The following NFKBIB variants were observed in gnomAD, a reference collection of about 807,000 sequenced individuals.
NFKBIB encodes NF-kappa-B inhibitor beta.
NFKBIB carries 16 observed loss-of-function variants against 32.1 expected under a neutral mutation model. The ratio of observed to expected loss-of-function variants is 0.50; its 90% CI spans 0.34 to 0.76. The LOEUF (loss-of-function observed/expected upper bound fraction) is 0.76. Ranked by LOEUF, NFKBIB falls within the 30% of genes least tolerant of loss-of-function variation. NFKBIB has a pLI of 0.01. For synonymous variants in NFKBIB, 222 were observed against 219.5 expected, an observed-to-expected ratio of 1.01 and a Z score of -0.10; for missense variants, 437 against 514.9, an observed-to-expected ratio of 0.85 and a Z score of 1.46.
chr19:38,905,206 C>A lies in NFKBIB; in HGVS notation c.290C>A (p.Ala97Asp), dbSNP rs1433010062. Residue 97 changes from alanine (A) to aspartate (D), a missense_variant, in exon 3 of 6, where the codon GCC becomes GAC. Ala to Asp is a moderately radical substitution (Grantham distance 126, BLOSUM62 -2). Transcript: ENST00000313582. This position sits in a 1 kb window ranked among gnomAD's most constrained non-coding sequence, Gnocchi z 5.5. The stretch of plus-strand genomic sequence containing the variant: ...GCCTGTCCTCTGCTTCTGCAGACAG[C>A]CCTGCACCTGGCAGCCATCCTGGGG... ...MDLQNDLGQTALHLAAILGET... is the reference protein window; with the variant it reads ...MDLQNDLGQTDLHLAAILGET... 1.3e-6 allele frequency: 2 copies of A among 1,595,562 alleles called. No homozygotes were observed. The highest frequency in any genetic ancestry group is 2.3e-5 in the South Asian group (2 of 88,342).
chr19:38,904,733 C>T (rs754389971), intron 1 of NFKBIB, among the ~76,000 whole-genome samples: 3 of 139,180 alleles, frequency 2.2e-5, no homozygotes, highest in African/African-American at 5.4e-5. Flanking sequence ...CTTCATATAC[C>T]GTATTTCGTC....
intron 5 of NFKBIB, 190 bp from the exon 6 acceptor site, chr19:38,908,541 A>AAAAAT: frequency 2.0e-6 from 2 of 996,946 alleles, no homozygotes. Flanking sequence ...TCCATCTTAA[A>AAAAAT]AAAAAAAAAA....
chr19:38,906,721 A>C (rs1444084137), intron 3 of NFKBIB, among the ~76,000 whole-genome samples: 1 of 146,330 alleles, frequency 6.8e-6, no homozygotes, highest in African/African-American at 2.6e-5. Context: ...CACCCGCCTC[A>C]GCCTCCCAAA....
intron 1 of NFKBIB, among the ~76,000 whole-genome samples, chr19:38,902,955 A>G (rs751735064): frequency 3.9e-5 from 6 of 152,134 alleles, no homozygotes; most frequent in Non-Finnish European, 7.4e-5. Context: ...AGCGCCTGTA[A>G]TCCCAGCTAC....
At chr19:38,901,646 C>G (rs780637118) in intron 1 of NFKBIB, among the ~76,000 whole-genome samples, 15 of 152,210 alleles carry the variant, frequency 9.9e-5, no homozygotes, top group Middle Eastern at 3.4e-3. Flanking sequence ...CACGTGCCCC[C>G]ACACCTGGCT....
At chr19:38,902,566 G>C (rs143789480) in intron 1 of NFKBIB, among the ~76,000 whole-genome samples, 373 of 32,352 alleles carry the variant, frequency 0.012, 59 homozygotes, top group African/African-American at 0.028. Flanking sequence ...AATATTATAT[G>C]GCTTTTGTAT....
rs967463729 is a variant in NFKBIB, at chr19:38,905,812, C to T, written c.619+277C>T. ...TGCCAGGATCCAGTTGTCGGGCCCCCGGGCTCCCCACCTGCAGAGTGTATT... is the reference window on the plus strand; with the variant it reads ...TGCCAGGATCCAGTTGTCGGGCCCCTGGGCTCCCCACCTGCAGAGTGTATT... On this transcript the variant is annotated intron_variant, in intron 3 of 5. Coordinates refer to ENST00000313582, the MANE Select transcript of NFKBIB (RefSeq NM_002503.5). The surrounding 1 kb of genome is among the most constrained non-coding windows in gnomAD (Gnocchi z 5.5). Among the ~76,000 whole-genome samples the T allele has an allele frequency of 6.6e-6, 1 of 152,150 alleles. No individual in the cohort carries two copies. Among genetic ancestry groups the T allele is most frequent in the Non-Finnish European group, 1.5e-5 (1 of 68,026 alleles).
At chr19:38,904,904 T>C in intron 1 of NFKBIB, 111 bp from the exon 2 acceptor site, 1 of 949,658 alleles carries the variant, frequency 1.1e-6, no homozygotes, top group Non-Finnish European at 1.6e-6. Flanking sequence ...GACAGGGGGT[T>C]CCAGAACTGT....
chr19:38,899,754 G>A, upstream of NFKBIB: 1 of 711,846 alleles, frequency 1.4e-6, no homozygotes, highest in East Asian at 2.7e-5. Context: ...GAAAGCGCGC[G>A]AGGACCGGAC....
rs763674065 is a variant in NFKBIB, at chr19:38,904,968, G to C, written c.180-47G>C. 10 of 1,569,420 alleles carry C rather than the reference G, an allele frequency of 6.4e-6. No homozygotes were observed. In the South Asian group the frequency reaches 1.1e-4, roughly 18 times the overall value. ...CCCCATGTTTGTTCAATGAAGGAAT[G>C]CAAGAGGACTTGAACTTTGCCCTCT... On this transcript the variant is annotated intron_variant, in intron 1 of 5. Coordinates refer to ENST00000313582, the MANE Select transcript of NFKBIB (RefSeq NM_002503.5).
rs200776267 is a variant in NFKBIB at position 38,907,660 on chromosome 19, G to A, written c.969+1G>A. ...CGACAGCGACAGCGGAGACGAGGGC[G>A]TGAGTCAGGAGGAGAGACAGGGCAG... On this transcript the variant is annotated splice_donor_variant, in intron 5 of 5. Transcript: ENST00000313582. LOFTEE classifies it high-confidence loss of function. The A allele has an allele frequency of 6.3e-5, 101 of 1,598,998 alleles. No individual in the cohort carries two copies. Among genetic ancestry groups the A allele is most frequent in the Middle Eastern group, 3.3e-4 (2 of 6,056 alleles).
intron 5 of NFKBIB, chr19:38,907,887 G>A: frequency 7.3e-7 from 1 of 1,378,180 alleles, no homozygotes; most frequent in South Asian, 1.9e-5. Flanking sequence ...GTAGAACTCA[G>A]GCAGGGGTGG....
chr19:38,908,336 C>T (rs933583959), intron 5 of NFKBIB: 95 of 910,488 alleles, frequency 1.0e-4, no homozygotes, highest in Non-Finnish European at 1.2e-4. Flanking sequence ...GTCAGGAGTT[C>T]GAGACCAGCC....
In NFKBIB at chr19:38,905,596, G is replaced by A; in HGVS notation, c.619+61G>A. On this transcript the variant is annotated intron_variant, in intron 3 of 5. Transcript: ENST00000313582. The surrounding 1 kb of genome is among the most constrained non-coding windows in gnomAD (Gnocchi z 5.5). ...GGCTAGGCGAGAGCACCTGGCCCTG[G>A]GCTCAGCTTCCCTGATTTGAGACTG... 2.2e-6 allele frequency: 3 copies of A among 1,357,442 alleles called. No individual in the cohort carries two copies. Among genetic ancestry groups the A allele is most frequent in the East Asian group, 2.3e-5 (1 of 42,880 alleles). 84.1% of individuals were successfully genotyped at this position (1,357,442 alleles called of 1,614,324 possible). A position where few individuals can be genotyped will look rare whatever the true frequency, so the allele number is the denominator to read the frequency against.
In NFKBIB at chr19:38,905,127, C is replaced by T. The variant is rs1198171339; in HGVS notation, c.285+7C>T. ...GCAGAATGACCTAGGCCAGGTGAGC[C>T]ACGAGGGATGGTGTAGGGCTTGGGG... On this transcript the variant is annotated splice_region_variant and intron_variant, in intron 2 of 5. Coordinates refer to ENST00000313582, the MANE Select transcript of NFKBIB (RefSeq NM_002503.5). This position sits in a 1 kb window ranked among gnomAD's most constrained non-coding sequence, Gnocchi z 5.5. 1 of 1,614,076 alleles carries T rather than the reference C, an allele frequency of 6.2e-7. No homozygotes were observed. Among genetic ancestry groups the T allele is most frequent in the East Asian group, 2.2e-5 (1 of 44,886 alleles).
chr19:38,902,273 G>A (rs914893982), intron 1 of NFKBIB, among the ~76,000 whole-genome samples: 12 of 151,550 alleles, frequency 7.9e-5, no homozygotes, highest in African/African-American at 2.2e-4. Context: ...TAGTAGAGAC[G>A]GGGTTTCACC....
Position 38,905,616 on chromosome 19 carries a change from A to G in NFKBIB, c.619+81A>G. On this transcript the variant is annotated intron_variant, in intron 3 of 5. Transcript: ENST00000313582. The surrounding 1 kb of genome is among the most constrained non-coding windows in gnomAD (Gnocchi z 5.5). ...CCCTGGGCTCAGCTTCCCTGATTTG[A>G]GACTGAGCTCCTTGGGAAATCATGC... 1.8e-6 allele frequency: 2 copies of G among 1,137,918 alleles called. No homozygotes were observed. Among genetic ancestry groups the G allele is most frequent in the South Asian group, 3.0e-5 (2 of 65,776 alleles). The allele number at this position is 1,137,918 out of a possible 1,614,324, so 70.5% of individuals were successfully genotyped here.
At chr19:38,900,487 A>G (rs959005812) in intron 1 of NFKBIB, among the ~76,000 whole-genome samples, 13 of 152,212 alleles carry the variant, frequency 8.5e-5, no homozygotes, top group African/African-American at 3.1e-4. Flanking sequence ...ACCTGACTCC[A>G]GTCCTGAGAC....
intron 1 of NFKBIB, among the ~76,000 whole-genome samples, chr19:38,900,654 ATTCAAAGAGAGAGAATGTAAGCTC>A (rs1973921767): frequency 6.6e-6 from 1 of 152,230 alleles, no homozygotes; most frequent in Admixed American, 6.5e-5. Context: ...CAAATCTTAA[ATTCAAAGAGAGAGAATGTAAGCTC>A]TTCTATGTTG....
Sources: gnomAD v4.1 joint callset for allele counts (sites outside exome capture counted in the v4.1 genomes callset) on GRCh38, gnomAD v4.1.1 for gene constraint, Gnocchi (gnomAD v3.1) non-coding constraint, MANE v1.5 for transcripts, NCBI Gene and HGNC (gene_info 2026-07-23, HGNC 2026-07-21) for gene names.